PKD2: variants seen among roughly 807,000 people sequenced by gnomAD.
The protein encoded by PKD2 is polycystin 2, transient receptor potential cation channel.
Under a neutral mutation model 105.9 loss-of-function variants are expected in PKD2, and 48 were observed. The observed-to-expected ratio is 0.45, with a 90% CI of 0.36 to 0.58. PKD2 has a LOEUF of 0.58. PKD2 is among the 20% of genes least tolerant of loss of function. The pLI, the probability that PKD2 is intolerant of heterozygous loss-of-function variation, is 0.00. For synonymous variants in PKD2, 464 were observed against 481.1 expected (o/e 0.96, Z 0.46); for missense variants, 1,078 against 1,255.3 (o/e 0.86, Z 2.13).
At position 88,070,591 on chromosome 4, in the gene PKD2, T is replaced by G. The variant is rs1303092369; in HGVS notation, c.2522+2530T>G. Reference sequence around the variant, plus strand: ...TATTTATTTTATATATATATATATATATATATATATAGAGAGAGAGAGAGA... The same window carrying G: ...TATTTATTTTATATATATATATATAGATATATATATAGAGAGAGAGAGAGA... On this transcript the variant is annotated intron_variant, in intron 13 of 14. Coordinates refer to ENST00000237596, the MANE Select transcript of PKD2 (RefSeq NM_000297.4). Among the ~76,000 whole-genome samples the G allele has an allele frequency of 5.3e-3, 548 of 104,106 alleles. 3 individuals carry two copies. Among genetic ancestry groups the G allele is most frequent in the Middle Eastern group, 0.016 (4 of 244 alleles). The allele number at this position is 104,106 out of a possible 152,430, so 68.3% of individuals were successfully genotyped here.
intron 2 of PKD2, among the ~76,000 whole-genome samples, chr4:88,029,430 G>C (rs75823971): frequency 0.026 from 3,934 of 152,022 alleles, 68 homozygotes; most frequent in South Asian, 0.086. Context: ...TCTCTCACAG[G>C]CCTCTCTCAT....
rs747207001 is a variant in PKD2, at chr4:88,026,782, G to A, written c.709+7211G>A. On this transcript the variant is annotated intron_variant, in intron 2 of 14. Transcript: ENST00000237596. ...CAGGCCCAGGCCCCAGCTGTTCTGT[G>A]CAGCCTTGGGACATGGCACCCTGTG... is the stretch of plus-strand genomic sequence containing the variant. Among the ~76,000 whole-genome samples the A allele has an allele frequency of 5.3e-4, 81 of 152,344 alleles. 1 individual carries two copies. In the Middle Eastern group the frequency reaches 0.01, roughly 19 times the overall value.
At chr4:88,052,255 G>T (rs1173846103) in intron 7 of PKD2, 97 bp downstream of exon 7, 5 of 811,398 alleles carry the variant, frequency 6.2e-6, no homozygotes, top group South Asian at 6.0e-5. Flanking sequence ...TGAAATTCAA[G>T]TGACCAGCCA....
At chr4:88,008,380 C>G (rs574670444) in intron 1 of PKD2, 52 bp downstream of exon 1, 105 of 1,478,270 alleles carry the variant, frequency 7.1e-5, no homozygotes, top group African/African-American at 1.4e-4. Context: ...ACGGCCGGCG[C>G]CGGCCGGGGC....
At chr4:88,054,003 T>C (rs1475656275) in intron 7 of PKD2, among the ~76,000 whole-genome samples, 1 of 152,184 alleles carries the variant, frequency 6.6e-6, no homozygotes. Context: ...AGTCAGAGCC[T>C]GTGCTGGTGA....
In PKD2 at chr4:88,032,634, G is replaced by A. The variant is rs540978008; in HGVS notation, c.710-3586G>A. On this transcript the variant is annotated intron_variant, in intron 2 of 14. Coordinates refer to ENST00000237596, the MANE Select transcript of PKD2 (RefSeq NM_000297.4). The stretch of plus-strand genomic sequence containing the variant: ...GTCTCCTTTCTGGTCCTCATTTAAG[G>A]TTATCTATTTCATGCAGTAAATTTT... Among the ~76,000 whole-genome samples the A allele has an allele frequency of 1.1e-4, 16 of 152,232 alleles. No homozygotes were observed. The East Asian group carries it at 2.9e-3, about 27-fold the overall frequency.
chr4:88,066,454 C>T (rs575182501), intron 12 of PKD2, among the ~76,000 whole-genome samples: 28 of 151,582 alleles, frequency 1.8e-4, no homozygotes, highest in Non-Finnish European at 3.4e-4. Flanking sequence ...CTCCACCTCC[C>T]GGGTTCAAGC....
rs1726248686 is a variant in PKD2 at position 88,008,194 on chromosome 4, G to A, written c.461G>A (p.Arg154Gln). 12 of 1,361,234 alleles carry A rather than the reference G, an allele frequency of 8.8e-6. No homozygotes were observed. Among genetic ancestry groups the A allele is most frequent in the African/African-American group, 1.5e-5 (1 of 65,420 alleles). The allele number at this position is 1,361,234 out of a possible 1,614,324, so 84.3% of individuals were successfully genotyped here. A position where few individuals can be genotyped will look rare whatever the true frequency, so the allele number is the denominator to read the frequency against. The change falls in exon 1 of 15, where the codon CGG becomes CAG. Residue 154 changes from arginine (R) to glutamine (Q), a missense_variant. Physicochemically the swap from Arg to Gln is conservative, Grantham distance 43. Coordinates refer to ENST00000237596, the MANE Select transcript of PKD2 (RefSeq NM_000297.4). ...YHGAGHPSGR[R>Q]RRREDQGPPC... ...GGCGCGGGCCACCCGAGCGGGAGGC[G>A]GCGCCGGCGAGAGGACCAGGGCCCG...
At chr4:88,069,374 T>C (rs1720927114) in intron 13 of PKD2, among the ~76,000 whole-genome samples, 1 of 152,124 alleles carries the variant, frequency 6.6e-6, no homozygotes, top group African/African-American at 2.4e-5. Context: ...CTTTCACTGC[T>C]TTCTTGTACA....
At chr4:88,028,574 C>T (rs938077297) in intron 2 of PKD2, among the ~76,000 whole-genome samples, 8 of 152,228 alleles carry the variant, frequency 5.3e-5, no homozygotes, top group Middle Eastern at 3.4e-3. Flanking sequence ...TAAATGTGAC[C>T]AAAATGGGTT....
Position 88,052,062 on chromosome 4 carries a change from A to C in PKD2, c.1620A>C (p.Glu540Asp). The C allele has an allele frequency of 6.2e-7, 1 of 1,601,206 alleles. No individual in the cohort carries two copies. The highest frequency in any genetic ancestry group is 8.6e-7 in the Non-Finnish European group (1 of 1,168,370). Reference protein sequence around the residue: ...SNVEVLLQFLEDQNTFPNFEH... With the variant: ...SNVEVLLQFLDDQNTFPNFEH... ...TGGAGGTGCTACTACAGTTTCTGGA[A>C]GATCAAAATACTTTCCCCAACTTTG... Residue 540 changes from glutamate to aspartate, a missense_variant, in exon 7 of 15, where the codon GAA becomes GAC. Transcript: ENST00000237596.
rs1022006373 is a variant in PKD2 at position 88,054,341 on chromosome 4, C to T, written c.1717-1745C>T. 1.7e-4 allele frequency among the ~76,000 whole-genome samples: 26 copies of T among 148,970 alleles called. No individual in the cohort carries two copies. In the East Asian group the frequency reaches 5.2e-3, roughly 30 times the overall value. ...GCTTGAACCCAGGAAGCAGAGGTTGCGGTGAGCTGAATCATGCCACTGCAC... is the reference window on the plus strand; with the variant it reads ...GCTTGAACCCAGGAAGCAGAGGTTGTGGTGAGCTGAATCATGCCACTGCAC... On this transcript the variant is annotated intron_variant, in intron 7 of 14. Transcript: ENST00000237596.
chr4:88,075,075 T>C, intron 14 of PKD2, 116 bp downstream of exon 14: 2 of 1,115,294 alleles, frequency 1.8e-6, no homozygotes, highest in South Asian at 1.4e-5. Context: ...TTTACGTTTA[T>C]AGAAATTCAC....
Position 88,075,964 on chromosome 4 carries a change from G to A in PKD2, c.*270G>A. 1 of 404,864 alleles carries A rather than the reference G, an allele frequency of 2.5e-6. No individual in the cohort carries two copies. The highest frequency in any genetic ancestry group is 4.5e-6 in the Non-Finnish European group (1 of 221,304). 25.1% of individuals were successfully genotyped at this position (404,864 alleles called of 1,614,324 possible). ...TGTGTATTGAGCGGTACGCCCAGTT[G>A]CCACCATGACTGAGTCTTCTCAGTT... On this transcript the variant is annotated 3_prime_UTR_variant, in exon 15 of 15. Coordinates refer to ENST00000237596, the MANE Select transcript of PKD2 (RefSeq NM_000297.4).
chr4:88,046,510 G>C, intron 5 of PKD2, 132 bp from the exon 6 acceptor site: 1 of 710,278 alleles, frequency 1.4e-6, no homozygotes, highest in Non-Finnish European at 2.6e-6. Flanking sequence ...ATGTTTTGCC[G>C]CTAGTTTGGG....
chr4:88,035,124 CTG>C (rs1348569528), intron 2 of PKD2, among the ~76,000 whole-genome samples: 1 of 152,160 alleles, frequency 6.6e-6, no homozygotes, highest in Non-Finnish European at 1.5e-5. Context: ...GAAGAGGAAA[CTG>C]AAGCTCAGAA....
At chr4:88,029,394 G>C (rs1727066935) in intron 2 of PKD2, among the ~76,000 whole-genome samples, 1 of 152,142 alleles carries the variant, frequency 6.6e-6, no homozygotes, top group Non-Finnish European at 1.5e-5. Context: ...CCTAGTACCA[G>C]CTTCTGCTGG....
chr4:88,050,464 A>G (rs1196361830), intron 6 of PKD2, among the ~76,000 whole-genome samples: 2 of 152,142 alleles, frequency 1.3e-5, no homozygotes, highest in Non-Finnish European at 2.9e-5. Context: ...TGATGTAACA[A>G]TGCAAATGCT....
intron 12 of PKD2, among the ~76,000 whole-genome samples, chr4:88,067,164 G>A (rs376469815): frequency 6.6e-6 from 1 of 152,304 alleles, no homozygotes; most frequent in South Asian, 2.1e-4. Flanking sequence ...AAACATGATA[G>A]TCAAAGGTCA....
Sources: gnomAD v4.1 joint callset for allele counts (sites outside exome capture counted in the v4.1 genomes callset) on GRCh38, gnomAD v4.1.1 for gene constraint, MANE v1.5 for transcripts, NCBI Gene and HGNC (gene_info 2026-07-23, HGNC 2026-07-21) for gene names.